Variants in LHPP observed in about 807,000 individuals in gnomAD.
LHPP encodes phospholysine phosphohistidine inorganic pyrophosphate phosphatase, also known as hLHPP.
A neutral mutation model predicts 30.3 loss-of-function variants in LHPP; 24 were observed. That is an observed-to-expected ratio of 0.79 (90% CI 0.57 to 1.11). The LOEUF (loss-of-function observed/expected upper bound fraction) is 1.11. Among genes scored for constraint, LHPP ranks in the 50% most tolerant of loss-of-function variants. The pLI is 0.00. For synonymous variants in LHPP, 150 were observed against 157.1 expected (o/e 0.95, Z 0.34); for missense variants, 356 against 367.2 (o/e 0.97, Z 0.25).
chr10:124,502,122 G>A (rs1023004040), intron 5 of LHPP, among the ~76,000 whole-genome samples: 1 of 151,944 alleles, frequency 6.6e-6, no homozygotes. Context: ...CACGTGTACC[G>A]TTCAGCAGCT....
intron 1 of LHPP, among the ~76,000 whole-genome samples, chr10:124,473,123 C>T (rs1391511127): frequency 6.6e-6 from 1 of 152,180 alleles, no homozygotes; most frequent in Non-Finnish European, 1.5e-5. Context: ...TTGGTTTACC[C>T]TGCAGGTGCT....
At position 124,590,093 on chromosome 10, in the gene LHPP, T is replaced by C. The variant is rs1462678728; in HGVS notation, c.717-23171T>C. 6.6e-6 allele frequency among the ~76,000 whole-genome samples: 1 copy of C among 152,182 alleles called. No homozygotes were observed. Among genetic ancestry groups the C allele is most frequent in the Admixed American group, 6.5e-5 (1 of 15,286 alleles). ...TGCAGGTTTTTTATCCATCGTTCTT[T>C]CCAAAGAATAGTGTGAACAGCTCAT... is the stretch of plus-strand genomic sequence containing the variant. On this transcript the variant is annotated intron_variant, in intron 6 of 6. Coordinates refer to ENST00000368842, the MANE Select transcript of LHPP (RefSeq NM_022126.4). This position sits in a 1 kb window ranked among gnomAD's most constrained non-coding sequence, Gnocchi z 4.3.
At chr10:124,487,442 CTTTT>C (rs140426240) in intron 2 of LHPP, among the ~76,000 whole-genome samples, 2 of 107,778 alleles carry the variant, frequency 1.9e-5, no homozygotes, top group Non-Finnish European at 3.8e-5. Flanking sequence ...TTCTTTCTTT[CTTTT>C]TTTTTTTTTT....
At chr10:124,553,670 A>G (rs1232690670) in intron 6 of LHPP, among the ~76,000 whole-genome samples, 2 of 152,180 alleles carry the variant, frequency 1.3e-5, no homozygotes, top group African/African-American at 2.4e-5. Context: ...CGTGTTAGCC[A>G]GGATGGTCTC....
At chr10:124,608,518 C>T (rs946561826) in intron 6 of LHPP, among the ~76,000 whole-genome samples, 1 of 152,242 alleles carries the variant, frequency 6.6e-6, no homozygotes, top group African/African-American at 2.4e-5. Flanking sequence ...GGCAGGGACA[C>T]CAAGGCACAG....
At chr10:124,611,634 C>T (rs1246864915) in intron 6 of LHPP, among the ~76,000 whole-genome samples, 1 of 152,020 alleles carries the variant, frequency 6.6e-6, no homozygotes, top group Non-Finnish European at 1.5e-5. Flanking sequence ...CTGTGGCCCC[C>T]GTCCAGGTCC....
At chr10:124,612,260 GCCGGGCGTGGT>G (rs1949212142) in intron 6 of LHPP, among the ~76,000 whole-genome samples, 1 of 152,114 alleles carries the variant, frequency 6.6e-6, no homozygotes, top group African/African-American at 2.4e-5. Flanking sequence ...TACAAAAAAA[GCCGGGCGTGGT>G]GGCGGGTGCC....
At chr10:124,501,700 C>T (rs1163745040) in intron 5 of LHPP, among the ~76,000 whole-genome samples, 1 of 151,370 alleles carries the variant, frequency 6.6e-6, no homozygotes, top group Non-Finnish European at 1.5e-5. Context: ...ATTGAATACT[C>T]TGGTCACGGT....
intron 6 of LHPP, among the ~76,000 whole-genome samples, chr10:124,583,502 T>C (rs536852093): frequency 2.0e-5 from 3 of 152,142 alleles, no homozygotes; most frequent in African/African-American, 7.2e-5. Context: ...TGAGCCTGGG[T>C]AATTTATAAG....
chr10:124,524,131 C>T (rs569372336), intron 6 of LHPP, among the ~76,000 whole-genome samples: 9 of 152,138 alleles, frequency 5.9e-5, no homozygotes, highest in African/African-American at 2.4e-5. Context: ...GCTGTGCAGT[C>T]GTCACCACAA....
intron 1 of LHPP, among the ~76,000 whole-genome samples, chr10:124,470,984 C>T (rs1180707019): frequency 6.6e-6 from 1 of 152,094 alleles, no homozygotes; most frequent in East Asian, 1.9e-4. Context: ...GTGATTTCAG[C>T]TGTCATTTCA....
chr10:124,613,404 TCCACCCCTGCCTCCCC>T lies in LHPP; in HGVS notation c.*45_*60del. ...CCGCCTCCTCCACCCCTGCCTCTCC[TCCACCCCTGCCTCCCC>T]TCCACCCCTGCCTCTCCTCCACCCG... On this transcript the variant is annotated 3_prime_UTR_variant, in exon 7 of 7. Transcript: ENST00000368842. The T allele has an allele frequency of 7.7e-7, 1 of 1,303,158 alleles. No homozygotes were observed. Among genetic ancestry groups the T allele is most frequent in the Non-Finnish European group, 1.1e-6 (1 of 940,450 alleles). The allele number at this position is 1,303,158 out of a possible 1,614,324, so 80.7% of individuals were successfully genotyped here. A position where few individuals can be genotyped will look rare whatever the true frequency, so the allele number is the denominator to read the frequency against.
rs951433508 is a variant in LHPP, at chr10:124,576,442, C to T, written c.717-36822C>T. ...TCCTTTCCATGAGCTGCTCCCAGAC[C>T]CCCTCATATCCATCCTGCCTCCAGA... On this transcript the variant is annotated intron_variant, in intron 6 of 6. Transcript: ENST00000368842. This position sits in a 1 kb window ranked among gnomAD's most constrained non-coding sequence, Gnocchi z 4.2. Among the ~76,000 whole-genome samples, 3 of 150,958 alleles carry T rather than the reference C, an allele frequency of 2.0e-5. No individual in the cohort carries two copies. The highest frequency in any genetic ancestry group is 6.6e-5 in the Admixed American group (1 of 15,148).
At chr10:124,529,372 C>G (rs1282181086) in intron 6 of LHPP, among the ~76,000 whole-genome samples, 2 of 152,002 alleles carry the variant, frequency 1.3e-5, no homozygotes, top group African/African-American at 2.4e-5. Context: ...AAACAGAAAC[C>G]AACCCATGCA....
At chr10:124,548,850 G>A (rs1222550683) in intron 6 of LHPP, among the ~76,000 whole-genome samples, 3 of 152,238 alleles carry the variant, frequency 2.0e-5, no homozygotes, top group South Asian at 4.1e-4. Context: ...CCCGGACACC[G>A]AGGCTAGCTC....
chr10:124,498,804 C>A, intron 5 of LHPP: 1 of 418,852 alleles, frequency 2.4e-6, no homozygotes, highest in Non-Finnish European at 4.7e-6. Flanking sequence ...CCTTAACCCC[C>A]TTACTAACCA....
intron 6 of LHPP, among the ~76,000 whole-genome samples, chr10:124,539,695 C>CT (rs139791950): frequency 0.036 from 5,318 of 148,372 alleles, 154 homozygotes; most frequent in Non-Finnish European, 0.054. Context: ...GAGATCGTGC[C>CT]ACTGCACTCT....
intron 6 of LHPP, among the ~76,000 whole-genome samples, chr10:124,553,634 AT>A (rs1362977936): frequency 2.7e-5 from 4 of 150,516 alleles, no homozygotes; most frequent in South Asian, 2.1e-4. Context: ...AATTTTTTGT[AT>A]TTTTTAGTAG....
At chr10:124,468,023 T>C (rs1952610554) in intron 1 of LHPP, among the ~76,000 whole-genome samples, 1 of 152,154 alleles carries the variant, frequency 6.6e-6, no homozygotes, top group South Asian at 2.1e-4. Flanking sequence ...AAGGGACAGT[T>C]TGAGCCCTGG....
Sources: allele counts gnomAD v4.1 joint callset (sites outside exome capture counted in the v4.1 genomes callset), GRCh38; gene constraint gnomAD v4.1.1; non-coding constraint Gnocchi (gnomAD v3.1); transcripts MANE v1.5; gene names NCBI Gene and HGNC (gene_info 2026-07-23, HGNC 2026-07-21).